The following MCM4 variants were observed in gnomAD, a reference collection of about 807,000 sequenced individuals.
MCM4 encodes minichromosome maintenance complex component 4, also known as DNA replication licensing factor MCM4.
A neutral mutation model predicts 88.7 loss-of-function variants in MCM4; 60 were observed. The ratio of observed to expected loss-of-function variants is 0.68; its 90% CI spans 0.55 to 0.84. The LOEUF (loss-of-function observed/expected upper bound fraction) is 0.84, where lower values mean the gene tolerates loss of function less well. MCM4 is among the 40% of genes least tolerant of loss of function. The probability of loss-of-function intolerance (pLI) is 0.00; values close to 1 mark genes in which losing one functional copy is unlikely to be tolerated. For missense variants in MCM4, 1,149 were observed against 1,105.5 expected, an observed-to-expected ratio of 1.04 and a Z score of -0.56; for synonymous variants, 465 against 410.5, an observed-to-expected ratio of 1.13 and a Z score of -1.61.
rs944510783 is a variant in MCM4, at chr8:47,976,370, G to A, written c.2500-316G>A. 9.2e-5 allele frequency among the ~76,000 whole-genome samples: 14 copies of A among 152,248 alleles called. No individual in the cohort carries two copies. The East Asian group carries it at 2.7e-3, about 29-fold the overall frequency. Reference sequence around the variant, plus strand: ...TTTGCTTTAGGTATGAAATATTTGGGTGTCCTTTTGTAAATAAGTAAGGTA... The same window carrying A: ...TTTGCTTTAGGTATGAAATATTTGGATGTCCTTTTGTAAATAAGTAAGGTA... On this transcript the variant is annotated intron_variant, in intron 16 of 16. Coordinates refer to ENST00000649973, the MANE Select transcript of MCM4 (RefSeq NM_182746.3).
Position 47,974,982 on chromosome 8 carries a change from C to T in MCM4, c.2365+20C>T. The T allele has an allele frequency of 6.4e-7, 1 of 1,574,278 alleles. No individual in the cohort carries two copies. Among genetic ancestry groups the T allele is most frequent in the Non-Finnish European group, 8.7e-7 (1 of 1,151,776 alleles). ...CTACGGGTTCGTTATTTTCAGTGAA[C>T]AGAAAAGCTTTTGAAAATTATTTCA... On this transcript the variant is annotated intron_variant, in intron 15 of 16. Coordinates refer to ENST00000649973, the MANE Select transcript of MCM4 (RefSeq NM_182746.3).
At chr8:47,963,423 A>G (rs1233311356) in intron 7 of MCM4, among the ~76,000 whole-genome samples, 2 of 152,230 alleles carry the variant, frequency 1.3e-5, no homozygotes, top group African/African-American at 4.8e-5. Flanking sequence ...ACTGCTCTCC[A>G]GCCTGGGCAA....
intron 12 of MCM4, 22 bp downstream of exon 12, chr8:47,970,898 G>T: frequency 6.4e-7 from 1 of 1,558,228 alleles, no homozygotes; most frequent in South Asian, 1.2e-5. Flanking sequence ...TCTCCACCGT[G>T]AACATGGACG....
intron 8 of MCM4, among the ~76,000 whole-genome samples, chr8:47,965,939 GA>G (rs1389202859): frequency 6.6e-6 from 1 of 152,196 alleles, no homozygotes; most frequent in Non-Finnish European, 1.5e-5. Flanking sequence ...AGTGAGGCAG[GA>G]GGCAGGGAGC....
At chr8:47,968,906 T>G (rs983074355) in intron 10 of MCM4, 11 of 151,858 alleles carry the variant, frequency 7.2e-5, no homozygotes, top group African/African-American at 2.7e-4. Flanking sequence ...ATGATTTGCA[T>G]GCTTTTGTCG....
At chr8:47,965,110 G>C (rs1226044491) in intron 8 of MCM4, among the ~76,000 whole-genome samples, 1 of 152,158 alleles carries the variant, frequency 6.6e-6, no homozygotes, top group Non-Finnish European at 1.5e-5. Context: ...CTACTCTCGG[G>C]AGGCTGAGGC....
Position 47,961,657 on chromosome 8 carries a change from G to C in MCM4, c.212G>C (p.Ser71Thr), listed in dbSNP as rs189505289. The change falls in exon 3 of 17, where the codon AGC becomes ACC. Residue 71 changes from serine (S) to threonine (T), a missense_variant. By Grantham distance (58) the Ser-to-Thr change is moderately conservative (BLOSUM62 1). Coordinates refer to ENST00000649973, the MANE Select transcript of MCM4 (RefSeq NM_182746.3). Reference sequence around the variant, plus strand: ...GCTGCGCAGGACGTGCTGTTTTCCAGCCCTCCCCAAATGCATTCTTCAGGT... The same window carrying C: ...GCTGCGCAGGACGTGCTGTTTTCCACCCCTCCCCAAATGCATTCTTCAGGT... ...SPAAQDVLFS[S>T]PPQMHSSAIP... 6.2e-7 allele frequency: 1 copy of C among 1,611,424 alleles called. No homozygotes were observed. The highest frequency in any genetic ancestry group is 8.5e-7 in the Non-Finnish European group (1 of 1,178,226).
intron 15 of MCM4, 40 bp from the exon 16 acceptor site, chr8:47,975,675 T>C (rs370599589): frequency 6.8e-7 from 1 of 1,469,844 alleles, no homozygotes; most frequent in Admixed American, 2.7e-5. Flanking sequence ...TTTCATTTCA[T>C]AATAGCAAAA....
At position 47,966,231 on chromosome 8, in the gene MCM4, T is replaced by C. The variant is rs2090896894; in HGVS notation, c.877T>C (p.Ser293Pro). ...CATCAGCGGCATGGTGATCAGGACATCCCAGCTGATTCCCGAGATGCAGGA... is the reference window on the plus strand; with the variant it reads ...CATCAGCGGCATGGTGATCAGGACACCCCAGCTGATTCCCGAGATGCAGGA... ...ITISGMVIRT[S>P]QLIPEMQEAF... is the part of the protein sequence containing the mutation. The change falls in exon 9 of 17, where the codon TCC (serine) becomes CCC (proline). Residue 293 changes from serine to proline, a missense_variant. By Grantham distance (74) the Ser-to-Pro change is moderately conservative. This residue lies in a region of MCM4 where 906 missense variants were observed against 843.0 expected (regional missense o/e 1.07). Transcript: ENST00000649973. 1 of 1,613,942 alleles carries C rather than the reference T, an allele frequency of 6.2e-7. No individual in the cohort carries two copies. The highest frequency in any genetic ancestry group is 8.5e-7 in the Non-Finnish European group (1 of 1,180,010).
rs181213086 is a variant in MCM4 at position 47,972,822 on chromosome 8, G to A, written c.1929-35G>A. On this transcript the variant is annotated intron_variant, in intron 13 of 16. Transcript: ENST00000649973. Reference sequence around the variant, plus strand: ...TCCACCTGCCTCGGCCTCACAAGGTGCTGGAAAAACAGTATTTTTACTTTG... The same window carrying A: ...TCCACCTGCCTCGGCCTCACAAGGTACTGGAAAAACAGTATTTTTACTTTG... 4.1e-5 allele frequency: 65 copies of A among 1,585,342 alleles called. No individual in the cohort carries two copies. The East Asian group carries it at 1.4e-3, about 34-fold the overall frequency.
At chr8:47,974,329 C>G (rs997339981) in intron 14 of MCM4, 1 of 174,188 alleles carries the variant, frequency 5.7e-6, no homozygotes, top group Admixed American at 5.6e-5. Flanking sequence ...TCCTTATGAG[C>G]CCCATTGTGC....
chr8:47,971,288 G>A, intron 12 of MCM4, 53 bp from the exon 13 acceptor site: 3 of 1,608,280 alleles, frequency 1.9e-6, no homozygotes, highest in Middle Eastern at 3.5e-4. Context: ...GACGGTGCTT[G>A]TTAATTGCCA....
chr8:47,969,680 C>T, intron 10 of MCM4, 118 bp from the exon 11 acceptor site: 1 of 1,013,310 alleles, frequency 9.9e-7, no homozygotes, highest in Non-Finnish European at 1.5e-6. Context: ...TCACCCTTTC[C>T]AGGGCCAGCC....
At chr8:47,961,262 C>T (rs1332959494) in intron 2 of MCM4, 48 bp downstream of exon 2, 1 of 1,441,082 alleles carries the variant, frequency 6.9e-7, no homozygotes, top group Non-Finnish European at 9.0e-7. Context: ...GCCGCCCCGT[C>T]TGCCCTCTCG....
intron 2 of MCM4, 71 bp from the exon 3 acceptor site, chr8:47,961,445 A>C (rs993412472): frequency 7.5e-6 from 12 of 1,610,676 alleles, no homozygotes; most frequent in Middle Eastern, 2.2e-4. Context: ...TAATGCCCCA[A>C]GGAAAAGACA....
rs931829999 is a variant in MCM4, at chr8:47,963,130, G to C, written c.693+90G>C. 2.2e-5 allele frequency: 17 copies of C among 766,056 alleles called. No homozygotes were observed. The African/African-American group carries it at 2.8e-4, about 13-fold the overall frequency. 47.5% of individuals were successfully genotyped at this position (766,056 alleles called of 1,614,324 possible). Reference sequence around the variant, plus strand: ...CAGAAATTCTTCAGTAATGAAGATAGTATGCGCAAACACTTTAAGAAACTG... The same window carrying C: ...CAGAAATTCTTCAGTAATGAAGATACTATGCGCAAACACTTTAAGAAACTG... On this transcript the variant is annotated intron_variant, in intron 7 of 16. Coordinates refer to ENST00000649973, the MANE Select transcript of MCM4 (RefSeq NM_182746.3).
intron 7 of MCM4, among the ~76,000 whole-genome samples, chr8:47,964,052 C>A (rs17287584): frequency 6.6e-6 from 1 of 151,994 alleles, no homozygotes; most frequent in Non-Finnish European, 1.5e-5. Flanking sequence ...GGAGAAACCC[C>A]GTCTCTATTA....
chr8:47,964,478 CAT>C (rs1328752979), intron 7 of MCM4, 94 bp from the exon 8 acceptor site: 7 of 894,144 alleles, frequency 7.8e-6, no homozygotes, highest in African/African-American at 1.7e-5. Flanking sequence ...GGGGACATGA[CAT>C]GTTGTCTTTT....
At chr8:47,970,482 A>T (rs754304290) in intron 11 of MCM4, 29 bp from the exon 12 acceptor site, 22 of 1,563,928 alleles carry the variant, frequency 1.4e-5, no homozygotes, top group Middle Eastern at 3.4e-4. Flanking sequence ...GCAGAAAATG[A>T]ATGTTTAGAC....
Sources: allele counts gnomAD v4.1 joint callset (sites outside exome capture counted in the v4.1 genomes callset), GRCh38; gene constraint gnomAD v4.1.1; regional missense constraint gnomAD v4.1.1; transcripts MANE v1.5; gene names NCBI Gene and HGNC (gene_info 2026-07-23, HGNC 2026-07-21).